The following ZNRF2 variants were observed in gnomAD, a reference collection of about 807,000 sequenced individuals.
ZNRF2 encodes zinc and ring finger 2.
A neutral mutation model predicts 20.4 loss-of-function variants in ZNRF2; 16 were observed. The ratio of observed to expected loss-of-function variants is 0.79; its 90% CI spans 0.53 to 1.19. The LOEUF (loss-of-function observed/expected upper bound fraction) is 1.19, where lower values mean the gene tolerates loss of function less well. ZNRF2 is among the 50% of genes most tolerant of loss of function. The probability of loss-of-function intolerance (pLI) is 0.00; values close to 1 mark genes in which losing one functional copy is unlikely to be tolerated. For synonymous variants in ZNRF2, 178 were observed against 144.9 expected (o/e 1.23, Z -1.64); for missense variants, 363 against 332.4 (o/e 1.09, Z -0.72).
chr7:30,323,596 G>T, intron 1 of ZNRF2, 46 bp from the exon 2 acceptor site: 1 of 1,257,976 alleles, frequency 7.9e-7, no homozygotes, highest in South Asian at 1.4e-5. Context: ...AGCCATAGCT[G>T]GATATTCAGA....
chr7:30,295,002 A>G lies in ZNRF2; in HGVS notation c.469+9176A>G, dbSNP rs531463672. 6.3e-5 allele frequency among the ~76,000 whole-genome samples: 9 copies of G among 143,080 alleles called. No individual in the cohort carries two copies. The South Asian group carries it at 1.9e-3, about 30-fold the overall frequency. 93.9% of individuals were successfully genotyped at this position (143,080 alleles called of 152,430 possible). ...GAGAGAGGGAGGGGGACAGAGAGAG[A>G]GAGGGAGGGAAGGAGAGAGAGAGAG... On this transcript the variant is annotated intron_variant, in intron 1 of 4. Coordinates refer to ENST00000323037, the MANE Select transcript of ZNRF2 (RefSeq NM_147128.4).
intron 2 of ZNRF2, 71 bp from the exon 3 acceptor site, chr7:30,355,657 G>A (rs1204228645): frequency 3.5e-5 from 43 of 1,244,594 alleles, no homozygotes; most frequent in Non-Finnish European, 3.5e-5. Flanking sequence ...TTATCAGTTA[G>A]CATTCACGTA....
In ZNRF2 at chr7:30,357,551, C is replaced by T. The variant is rs114339513; in HGVS notation, c.671+1718C>T. ...CTTACTTAAGAAATCAGAAAAGTAA[C>T]AGGAGAATAAACACAAAGAAAATAG... On this transcript the variant is annotated intron_variant, in intron 3 of 4. Coordinates refer to ENST00000323037, the MANE Select transcript of ZNRF2 (RefSeq NM_147128.4). Among the ~76,000 whole-genome samples the T allele has an allele frequency of 2.8e-3, 422 of 151,970 alleles. 6 individuals carry two copies. The highest frequency in any genetic ancestry group is 9.8e-3 in the African/African-American group (407 of 41,454).
At chr7:30,363,752 A>C (rs1172051475) in intron 4 of ZNRF2, among the ~76,000 whole-genome samples, 1 of 151,144 alleles carries the variant, frequency 6.6e-6, no homozygotes, top group Admixed American at 6.6e-5. Context: ...GGGTATTTTC[A>C]TAGGGCTTTT....
intron 1 of ZNRF2, among the ~76,000 whole-genome samples, chr7:30,295,808 A>G (rs1042234790): frequency 6.6e-6 from 1 of 152,234 alleles, no homozygotes; most frequent in Non-Finnish European, 1.5e-5. Context: ...AACCTCTTCA[A>G]TGAATGAAAA....
At chr7:30,344,217 C>T (rs566233611) in intron 2 of ZNRF2, among the ~76,000 whole-genome samples, 7 of 150,716 alleles carry the variant, frequency 4.6e-5, no homozygotes, top group East Asian at 3.9e-4. Flanking sequence ...CCACTGCGCC[C>T]GGCCCCAGCT....
At chr7:30,357,039 A>G (rs2127956767) in intron 3 of ZNRF2, among the ~76,000 whole-genome samples, 1 of 152,236 alleles carries the variant, frequency 6.6e-6, no homozygotes, top group Non-Finnish European at 1.5e-5. Flanking sequence ...CTCAGACGAA[A>G]CTGACAAATT....
At chr7:30,294,327 T>C (rs1583565267) in intron 1 of ZNRF2, among the ~76,000 whole-genome samples, 2 of 152,382 alleles carry the variant, frequency 1.3e-5, no homozygotes, top group South Asian at 4.1e-4. Context: ...TTCATTATCA[T>C]TGAGTACACA....
chr7:30,354,492 T>C (rs1221034679), intron 2 of ZNRF2, among the ~76,000 whole-genome samples: 1 of 152,128 alleles, frequency 6.6e-6, no homozygotes, highest in African/African-American at 2.4e-5. Flanking sequence ...AAATGAATAA[T>C]TAAAGGGAAG....
chr7:30,298,530 A>G (rs1180167649), intron 1 of ZNRF2, among the ~76,000 whole-genome samples: 3 of 152,214 alleles, frequency 2.0e-5, no homozygotes, highest in African/African-American at 4.8e-5. Flanking sequence ...TCTTGCCTGG[A>G]ATACACAATC....
At chr7:30,315,614 A>C (rs1473471576) in intron 1 of ZNRF2, among the ~76,000 whole-genome samples, 1 of 150,606 alleles carries the variant, frequency 6.6e-6, no homozygotes, top group Non-Finnish European at 1.5e-5. Context: ...GAGAAGTGTA[A>C]CTCTTTTTGG....
At chr7:30,335,897 G>GT (rs1799710228) in intron 2 of ZNRF2, among the ~76,000 whole-genome samples, 1 of 152,070 alleles carries the variant, frequency 6.6e-6, no homozygotes, top group African/African-American at 2.4e-5. Flanking sequence ...TTGGAAGGGG[G>GT]GAAAGAGGCA....
At chr7:30,329,332 A>G (rs372287575) in intron 2 of ZNRF2, among the ~76,000 whole-genome samples, 1 of 152,178 alleles carries the variant, frequency 6.6e-6, no homozygotes, top group South Asian at 2.1e-4. Context: ...AATACACAAT[A>G]AATTATTGTT....
intron 1 of ZNRF2, chr7:30,288,645 A>G (rs919948890): frequency 1.3e-5 from 2 of 152,240 alleles, no homozygotes; most frequent in African/African-American, 4.8e-5. Context: ...CCTAATCCAG[A>G]TATTTCAGTG....
At chr7:30,303,743 G>C (rs1445167744) in intron 1 of ZNRF2, among the ~76,000 whole-genome samples, 1 of 152,122 alleles carries the variant, frequency 6.6e-6, no homozygotes, top group Admixed American at 6.5e-5. Context: ...AGCATCTCCT[G>C]GGAACTTGTT....
chr7:30,311,124 C>T (rs985537608), intron 1 of ZNRF2, among the ~76,000 whole-genome samples: 7 of 152,144 alleles, frequency 4.6e-5, no homozygotes, highest in Non-Finnish European at 8.8e-5. Flanking sequence ...GTATGTAAGC[C>T]TCCAGTAAAA....
At chr7:30,358,251 G>A (rs952342889) in intron 3 of ZNRF2, among the ~76,000 whole-genome samples, 6 of 152,124 alleles carry the variant, frequency 3.9e-5, no homozygotes, top group African/African-American at 1.4e-4. Flanking sequence ...ATGGAAATAA[G>A]TTGCATTCAT....
At chr7:30,341,268 C>T (rs777529643) in intron 2 of ZNRF2, among the ~76,000 whole-genome samples, 3 of 151,800 alleles carry the variant, frequency 2.0e-5, no homozygotes, top group Non-Finnish European at 2.9e-5. Context: ...TATTTATTGT[C>T]TTCTGCTAGC....
chr7:30,350,296 C>A (rs1405089769), intron 2 of ZNRF2, among the ~76,000 whole-genome samples: 9 of 152,098 alleles, frequency 5.9e-5, no homozygotes, highest in Admixed American at 2.6e-4. Context: ...AAAAAGTCAT[C>A]ATCAAAAGAG....
Sources: gnomAD v4.1 joint callset for allele counts (sites outside exome capture counted in the v4.1 genomes callset) on GRCh38, gnomAD v4.1.1 for gene constraint, MANE v1.5 for transcripts, NCBI Gene and HGNC (gene_info 2026-07-23, HGNC 2026-07-21) for gene names.